FUT8: variants seen among roughly 807,000 people sequenced by gnomAD.
The protein encoded by FUT8 is alpha-(1,6)-fucosyltransferase.
In FUT8, 29 loss-of-function variants were observed where a neutral mutation model predicts 71.3. That is an observed-to-expected ratio of 0.41 (90% CI 0.30 to 0.55). The LOEUF is 0.55. Among genes scored for constraint, FUT8 ranks in the 20% least tolerant of loss-of-function variants. FUT8 has a pLI of 0.34. For missense variants in FUT8, 544 were observed against 702.1 expected, an observed-to-expected ratio of 0.77 and a Z score of 2.55; for synonymous variants, 254 against 239.3, an observed-to-expected ratio of 1.06 and a Z score of -0.57.
At chr14:65,392,215 A>G in the FUT8 span, among the ~76,000 whole-genome samples, 2 of 152,204 alleles carry the variant, frequency 1.3e-5, no homozygotes, top group Non-Finnish European at 2.9e-5. Flanking sequence ...TACAGGCATG[A>G]GCCACCGCGC....
At position 65,511,186 on chromosome 14, in the gene FUT8, C is replaced by A. The variant is rs57134875; in HGVS notation, c.-227-50151C>A. 9.4e-3 allele frequency among the ~76,000 whole-genome samples: 1,432 copies of A among 152,098 alleles called. 22 individuals carry two copies. The highest frequency in any genetic ancestry group is 0.033 in the African/African-American group (1,364 of 41,540). ...ACCCACTTGTCATTCAGGGGCAAAT[C>A]ATTTAATTTACATATATTTGTATAG... On this transcript the variant is annotated intron_variant, in intron 2 of 10. Transcript: ENST00000673929.
At chr14:65,460,315 C>CCTA (rs1257342039) in intron 2 of FUT8, among the ~76,000 whole-genome samples, 2 of 152,126 alleles carry the variant, frequency 1.3e-5, no homozygotes, top group African/African-American at 4.8e-5. Flanking sequence ...ATAGTGCTTC[C>CCTA]ATTAGGACAG....
chr14:65,478,984 A>G (rs1467876895), intron 2 of FUT8, among the ~76,000 whole-genome samples: 1 of 152,252 alleles, frequency 6.6e-6, no homozygotes, highest in African/African-American at 2.4e-5. Context: ...GGCTTTGGTT[A>G]TCAGTATTTT....
chr14:65,610,761 T>A (rs1395945042), intron 3 of FUT8, among the ~76,000 whole-genome samples: 1 of 151,920 alleles, frequency 6.6e-6, no homozygotes, highest in South Asian at 2.1e-4. Flanking sequence ...ATTCAGATAA[T>A]GTGTTTTGTA....
chr14:65,551,590 G>A (rs1378760509), intron 2 of FUT8, among the ~76,000 whole-genome samples: 1 of 152,142 alleles, frequency 6.6e-6, no homozygotes, highest in Non-Finnish European at 1.5e-5. Flanking sequence ...GAGAGTGGGA[G>A]AAAACTGTTG....
chr14:65,598,365 G>C (rs555016735), intron 3 of FUT8, among the ~76,000 whole-genome samples: 6 of 152,162 alleles, frequency 3.9e-5, no homozygotes, highest in African/African-American at 1.4e-4. Flanking sequence ...TGGGATTACA[G>C]ATGCACGCCA....
At chr14:65,648,474 A>G (rs1891215729) in intron 6 of FUT8, among the ~76,000 whole-genome samples, 1 of 152,188 alleles carries the variant, frequency 6.6e-6, no homozygotes, top group Non-Finnish European at 1.5e-5. Flanking sequence ...TCGTTAGAGC[A>G]ACAGGACTAG....
intron 6 of FUT8, chr14:65,646,617 A>C (rs1263650769): frequency 6.6e-6 from 1 of 151,448 alleles, no homozygotes; most frequent in Non-Finnish European, 1.5e-5. Context: ...GCCATACCCT[A>C]GGTGTGAGTG....
At chr14:65,544,056 C>T (rs1381500383) in intron 2 of FUT8, among the ~76,000 whole-genome samples, 1 of 151,942 alleles carries the variant, frequency 6.6e-6, no homozygotes, top group African/African-American at 2.4e-5. Flanking sequence ...CCTAATGTGT[C>T]GTAATTGATA....
At chr14:65,570,827 AG>A (rs1167065735) in intron 3 of FUT8, among the ~76,000 whole-genome samples, 20 of 152,264 alleles carry the variant, frequency 1.3e-4, no homozygotes, top group African/African-American at 4.8e-4. Context: ...CTAACTTAAT[AG>A]GTAGACAAGA....
At chr14:65,546,096 C>T (rs1256473714) in intron 2 of FUT8, among the ~76,000 whole-genome samples, 5 of 151,688 alleles carry the variant, frequency 3.3e-5, no homozygotes, top group African/African-American at 1.2e-4. Context: ...TTTTTGTCAA[C>T]CTTATTGGAA....
intron 7 of FUT8, among the ~76,000 whole-genome samples, chr14:65,692,600 C>CG (rs952607652): frequency 4.1e-5 from 6 of 146,190 alleles, no homozygotes; most frequent in South Asian, 4.5e-4. Flanking sequence ...GCTGGCTGGG[C>CG]GGGGGGCTGA....
intron 7 of FUT8, among the ~76,000 whole-genome samples, chr14:65,704,340 A>AT (rs11385453): frequency 0.59 from 88,697 of 149,994 alleles, 30,017 homozygotes; most frequent in South Asian, 0.77. Flanking sequence ...TGGAATTGTG[A>AT]TTTTTTTTTT....
chr14:65,507,513 G>T (rs1476701495), intron 2 of FUT8, among the ~76,000 whole-genome samples: 1 of 152,030 alleles, frequency 6.6e-6, no homozygotes, highest in African/African-American at 2.4e-5. Flanking sequence ...GGGTTCAGTT[G>T]TTTTGATTTT....
chr14:65,370,517 C>CT, the FUT8 span, among the ~76,000 whole-genome samples: 1 of 151,018 alleles, frequency 6.6e-6, no homozygotes, highest in Non-Finnish European at 1.5e-5. Flanking sequence ...CACACGTAGT[C>CT]TTTTTTAAAA....
intron 5 of FUT8, among the ~76,000 whole-genome samples, chr14:65,618,093 G>C (rs920989917): frequency 2.2e-5 from 3 of 139,028 alleles, no homozygotes; most frequent in African/African-American, 8.0e-5. Context: ...TAGATGTGGA[G>C]GTCTTTCTAT....
chr14:65,732,670 G>A (rs1284218413), intron 9 of FUT8, among the ~76,000 whole-genome samples: 4 of 152,158 alleles, frequency 2.6e-5, no homozygotes, highest in Non-Finnish European at 5.9e-5. Flanking sequence ...TATTAGGTAA[G>A]AGTAGATGGT....
chr14:65,416,419 C>T (rs1028495661), intron 1 of FUT8, among the ~76,000 whole-genome samples: 2 of 151,670 alleles, frequency 1.3e-5, no homozygotes, highest in African/African-American at 2.4e-5. Context: ...TCTTGAGTAG[C>T]TGGGACTATA....
At chr14:65,543,429 C>CTATG (rs1398006665) in intron 2 of FUT8, among the ~76,000 whole-genome samples, 1 of 151,984 alleles carries the variant, frequency 6.6e-6, no homozygotes, top group Admixed American at 6.5e-5. Context: ...GTTTTAGGTG[C>CTATG]TATGTATACT....
Sources: allele counts gnomAD v4.1 joint callset (sites outside exome capture counted in the v4.1 genomes callset), GRCh38; gene constraint gnomAD v4.1.1; transcripts MANE v1.5; gene names NCBI Gene and HGNC (gene_info 2026-07-23, HGNC 2026-07-21).